The following ARL6IP5 variants were observed in gnomAD, a reference collection of about 807,000 sequenced individuals.
ARL6IP5 encodes ARF like GTPase 6 interacting protein 5.
A neutral mutation model predicts 13.0 loss-of-function variants in ARL6IP5; 6 were observed. That is an observed-to-expected ratio of 0.46 (90% CI 0.25 to 0.91). ARL6IP5 has a LOEUF of 0.91. ARL6IP5 is among the 40% of genes least tolerant of loss of function. The pLI is 0.17. For missense variants in ARL6IP5, 208 were observed against 248.8 expected (o/e 0.84, Z 1.10); for synonymous variants, 91 against 91.9 (o/e 0.99, Z 0.06).
chr3:69,086,650 T>C (rs1411163574), intron 1 of ARL6IP5, among the ~76,000 whole-genome samples: 1 of 152,048 alleles, frequency 6.6e-6, no homozygotes, highest in Non-Finnish European at 1.5e-5. Flanking sequence ...GCCCAAGGCC[T>C]GAGGCAGCTG....
At chr3:69,090,028 G>A (rs77783253) in intron 1 of ARL6IP5, 114 of 350,844 alleles carry the variant, frequency 3.2e-4, no homozygotes, top group African/African-American at 2.3e-3. Context: ...TTTTCAAAAT[G>A]AACGTGGCTT....
intron 1 of ARL6IP5, among the ~76,000 whole-genome samples, chr3:69,089,553 C>T (rs1404025816): frequency 6.6e-6 from 1 of 151,338 alleles, no homozygotes; most frequent in African/African-American, 2.4e-5. Flanking sequence ...ACCTGTAATC[C>T]CAACACTTCG....
chr3:69,097,188 T>A (rs1243136804), intron 1 of ARL6IP5, among the ~76,000 whole-genome samples: 1 of 152,134 alleles, frequency 6.6e-6, no homozygotes, highest in Non-Finnish European at 1.5e-5. Context: ...TGAGACAGGA[T>A]CTCACTCTGT....
At chr3:69,092,087 A>C (rs910065742) in intron 1 of ARL6IP5, among the ~76,000 whole-genome samples, 1 of 151,916 alleles carries the variant, frequency 6.6e-6, no homozygotes, top group African/African-American at 2.4e-5. Flanking sequence ...TCTTGAAATG[A>C]GCGTGGCTTC....
At chr3:69,103,412 G>A (rs1239581388) in intron 2 of ARL6IP5, among the ~76,000 whole-genome samples, 1 of 152,184 alleles carries the variant, frequency 6.6e-6, no homozygotes, top group East Asian at 1.9e-4. Context: ...AAGGAGATTA[G>A]ATAAGTGATT....
chr3:69,104,786 C>T lies in ARL6IP5; in HGVS notation c.*150C>T. 4 of 869,500 alleles carry T rather than the reference C, an allele frequency of 4.6e-6. No individual in the cohort carries two copies. The highest frequency in any genetic ancestry group is 7.4e-6 in the Non-Finnish European group (4 of 538,456). 53.9% of individuals were successfully genotyped at this position (869,500 alleles called of 1,614,324 possible). On this transcript the variant is annotated 3_prime_UTR_variant, in exon 3 of 3. Coordinates refer to ENST00000273258, the MANE Select transcript of ARL6IP5 (RefSeq NM_006407.4). ...ATGCATGTATAGGCCGAACTATTAT[C>T]AGCTCTGATGTTTCAGAGAGAAGAC...
Position 69,105,661 on chromosome 3 carries a change from T to C in ARL6IP5, c.*1025T>C, listed in dbSNP as rs374496096. The C allele has an allele frequency of 1.3e-5, 2 of 152,378 alleles. No individual in the cohort carries two copies. Among genetic ancestry groups the C allele is most frequent in the African/African-American group, 4.8e-5 (2 of 41,594 alleles). The allele number at this position is 152,378 out of a possible 1,614,324, so 9.4% of individuals were successfully genotyped here. On this transcript the variant is annotated 3_prime_UTR_variant, in exon 3 of 3. Coordinates refer to ENST00000273258, the MANE Select transcript of ARL6IP5 (RefSeq NM_006407.4). ...AGCTACTGCAGCTAATAAAAAATTT[T>C]AGATAGCAATTGTTACAACCATATG...
At chr3:69,088,569 C>G (rs1479298990) in intron 1 of ARL6IP5, among the ~76,000 whole-genome samples, 1 of 152,162 alleles carries the variant, frequency 6.6e-6, no homozygotes, top group Non-Finnish European at 1.5e-5. Context: ...CTGGAAAAAA[C>G]TGCCCATACC....
At chr3:69,085,282 G>A (rs1180077082) in intron 1 of ARL6IP5, 59 bp downstream of exon 1, 2 of 1,553,254 alleles carry the variant, frequency 1.3e-6, no homozygotes, top group Non-Finnish European at 1.7e-6. Context: ...GGGGCCTCGG[G>A]GTGCAAGATC....
chr3:69,093,208 A>C (rs557622919), intron 1 of ARL6IP5, among the ~76,000 whole-genome samples: 1 of 152,196 alleles, frequency 6.6e-6, no homozygotes, highest in Admixed American at 6.5e-5. Flanking sequence ...TAACATGCCA[A>C]CTGTTAAAAA....
chr3:69,089,349 C>T (rs894199736), intron 1 of ARL6IP5, among the ~76,000 whole-genome samples: 1 of 152,116 alleles, frequency 6.6e-6, no homozygotes, highest in Non-Finnish European at 1.5e-5. Context: ...TGTAAAAGCT[C>T]GAGGTCACAG....
In ARL6IP5 at chr3:69,102,059, A is replaced by G; in HGVS notation, c.394+3A>G. The G allele has an allele frequency of 6.2e-7, 1 of 1,613,232 alleles. No individual in the cohort carries two copies. Among genetic ancestry groups the G allele is most frequent in the Non-Finnish European group, 8.5e-7 (1 of 1,179,236 alleles). On this transcript the variant is annotated splice_donor_region_variant and intron_variant, in intron 2 of 2. Transcript: ENST00000273258. Reference sequence around the variant, plus strand: ...TGGCATTACTTTTCCTTTGCTGTGTAAGTGAACTTGAGTTTTTTCTTCCAT... The same window carrying G: ...TGGCATTACTTTTCCTTTGCTGTGTGAGTGAACTTGAGTTTTTTCTTCCAT...
chr3:69,091,552 C>G (rs999387501), intron 1 of ARL6IP5, among the ~76,000 whole-genome samples: 1 of 151,926 alleles, frequency 6.6e-6, no homozygotes, highest in African/African-American at 2.4e-5. Flanking sequence ...CTGCCTTGGT[C>G]TCCGAAAGTG....
chr3:69,101,946 A>C lies in ARL6IP5; in HGVS notation c.284A>C (p.Lys95Thr), dbSNP rs775117047. The C allele has an allele frequency of 3.1e-6, 5 of 1,614,050 alleles. No homozygotes were observed. The South Asian group carries it at 5.5e-5, about 18-fold the overall frequency. ...AAAGACGTCCTTCGCCGGATGAAGA[A>C]GCGCTACCCCACGACGTTCGTTATG... ...HNKDVLRRMK[K>T]RYPTTFVMVV... Residue 95 changes from lysine (K) to threonine (T), a missense_variant, in exon 2 of 3, where the codon AAG (lysine) becomes ACG (threonine). Lys to Thr is a moderately conservative substitution (Grantham distance 78). Transcript: ENST00000273258.
At chr3:69,094,315 C>T (rs2092279832) in intron 1 of ARL6IP5, among the ~76,000 whole-genome samples, 1 of 152,206 alleles carries the variant, frequency 6.6e-6, no homozygotes, top group Non-Finnish European at 1.5e-5. Flanking sequence ...CCAGGCCCCA[C>T]TTACCCCCTC....
rs183971869 is a variant in ARL6IP5 at position 69,095,545 on chromosome 3, G to A, written c.177-6294G>A. On this transcript the variant is annotated intron_variant, in intron 1 of 2. Coordinates refer to ENST00000273258, the MANE Select transcript of ARL6IP5 (RefSeq NM_006407.4). ...GACGGAGTCTGGCTCTGTCACCCAC[G>A]CTGGAGTGGCACAATCTCAGCTCAC... Among the ~76,000 whole-genome samples the A allele has an allele frequency of 9.4e-4, 138 of 146,364 alleles. 1 individual carries two copies. The highest frequency in any genetic ancestry group is 1.9e-3 in the Non-Finnish European group (127 of 67,300).
chr3:69,105,126 A>G lies in ARL6IP5; in HGVS notation c.*490A>G. The G allele has an allele frequency of 2.2e-6, 1 of 451,488 alleles. No homozygotes were observed. The highest frequency in any genetic ancestry group is 3.9e-6 in the Non-Finnish European group (1 of 254,552). 28.0% of individuals were successfully genotyped at this position (451,488 alleles called of 1,614,324 possible). Reference sequence around the variant, plus strand: ...ATTATTCTCTTAAAAATCAAAGATGATCTCTATCACTTTGCCACCTGTTTG... The same window carrying G: ...ATTATTCTCTTAAAAATCAAAGATGGTCTCTATCACTTTGCCACCTGTTTG... On this transcript the variant is annotated 3_prime_UTR_variant, in exon 3 of 3. Transcript: ENST00000273258.
At chr3:69,104,329 G>A in intron 2 of ARL6IP5, 135 bp from the exon 3 acceptor site, 1 of 836,070 alleles carries the variant, frequency 1.2e-6, no homozygotes, top group Non-Finnish European at 1.9e-6. Context: ...TTGAAAGCTT[G>A]CATCAATTCG....
chr3:69,104,005 G>A (rs2092314350), intron 2 of ARL6IP5, among the ~76,000 whole-genome samples: 1 of 152,152 alleles, frequency 6.6e-6, no homozygotes, highest in Admixed American at 6.6e-5. Flanking sequence ...AAGCCTCCGG[G>A]AGGCACTTTA....
Sources: gnomAD v4.1 joint callset for allele counts (sites outside exome capture counted in the v4.1 genomes callset) on GRCh38, gnomAD v4.1.1 for gene constraint, MANE v1.5 for transcripts, NCBI Gene and HGNC (gene_info 2026-07-23, HGNC 2026-07-21) for gene names.